The following ARHGEF4 variants were observed in gnomAD, a reference collection of about 807,000 sequenced individuals.
The protein encoded by ARHGEF4 is APC-stimulated guanine nucleotide exchange factor 1.
In ARHGEF4, 119 loss-of-function variants were observed where a neutral mutation model predicts 162.0. The ratio of observed to expected loss-of-function variants is 0.73; its 90% CI spans 0.63 to 0.86. ARHGEF4 has a LOEUF of 0.86. Ranked by LOEUF, ARHGEF4 falls within the 40% of genes least tolerant of loss-of-function variation. ARHGEF4 has a pLI of 0.00. For synonymous variants in ARHGEF4, 1,014 were observed against 979.9 expected (o/e 1.03, Z -0.65); for missense variants, 2,488 against 2,456.0 (o/e 1.01, Z -0.28).
intron 1 of ARHGEF4, among the ~76,000 whole-genome samples, chr2:130,846,970 CAT>C (rs1454997022): frequency 1.3e-5 from 2 of 152,324 alleles, no homozygotes; most frequent in South Asian, 4.1e-4. Flanking sequence ...TATCCACAGA[CAT>C]GTGCCAAGCC....
chr2:130,896,136 A>C (rs892561408), intron 1 of ARHGEF4, among the ~76,000 whole-genome samples: 19 of 152,152 alleles, frequency 1.2e-4, no homozygotes, highest in Non-Finnish European at 1.9e-4. Context: ...TTTCCATTAA[A>C]TTGCCAGGTC....
chr2:130,991,695 G>A (rs892875154), intron 4 of ARHGEF4, among the ~76,000 whole-genome samples: 2 of 152,216 alleles, frequency 1.3e-5, no homozygotes, highest in East Asian at 1.9e-4. Context: ...GGCAGGCCTC[G>A]GGACTGCAGC....
intron 1 of ARHGEF4, among the ~76,000 whole-genome samples, chr2:130,849,591 C>T (rs112207194): frequency 0.015 from 2,220 of 149,416 alleles, 60 homozygotes; most frequent in African/African-American, 0.05. Context: ...TTTTCTGAGA[C>T]GGAGTCTTGC....
In ARHGEF4 at chr2:130,898,909, G is replaced by A. The variant is rs527253421; in HGVS notation, c.40-15077G>A. Reference sequence around the variant, plus strand: ...GCACCAGGGGTTCAGTTTGATAGGGGGCCCCAGGAAGATCCCCAGCCCACT... The same window carrying A: ...GCACCAGGGGTTCAGTTTGATAGGGAGCCCCAGGAAGATCCCCAGCCCACT... On this transcript the variant is annotated intron_variant, in intron 1 of 13. Transcript: ENST00000409359. Among the ~76,000 whole-genome samples, 4 of 152,152 alleles carry A rather than the reference G, an allele frequency of 2.6e-5. No individual in the cohort carries two copies. The South Asian group carries it at 6.2e-4, about 24-fold the overall frequency.
intron 10 of ARHGEF4, among the ~76,000 whole-genome samples, chr2:131,042,578 G>A (rs1186495968): frequency 6.6e-6 from 1 of 152,112 alleles, no homozygotes; most frequent in Non-Finnish European, 1.5e-5. Flanking sequence ...AAATCAATCA[G>A]TATCAGCCAC....
chr2:130,982,028 C>T (rs1686152876), intron 4 of ARHGEF4, among the ~76,000 whole-genome samples: 1 of 152,052 alleles, frequency 6.6e-6, no homozygotes, highest in Admixed American at 6.6e-5. Flanking sequence ...AGATGGAGTC[C>T]TACTCTGTCA....
intron 3 of ARHGEF4, among the ~76,000 whole-genome samples, chr2:130,936,614 C>T (rs957198677): frequency 6.6e-6 from 1 of 152,038 alleles, no homozygotes; most frequent in African/African-American, 2.4e-5. Context: ...TGCCTCTGGC[C>T]TCCTTGGTTT....
chr2:130,998,836 T>G (rs1326545734), intron 4 of ARHGEF4, among the ~76,000 whole-genome samples: 1 of 152,052 alleles, frequency 6.6e-6, no homozygotes, highest in Admixed American at 6.5e-5. Flanking sequence ...TACCAAGGAG[T>G]GTGATTGCTG....
At chr2:130,979,610 C>A (rs1409140464) in intron 4 of ARHGEF4, among the ~76,000 whole-genome samples, 3 of 151,824 alleles carry the variant, frequency 2.0e-5, no homozygotes, top group Non-Finnish European at 4.4e-5. Flanking sequence ...GTAGCGGGAG[C>A]CTGTAATCCC....
chr2:130,865,035 G>T (rs1258487981), intron 1 of ARHGEF4, among the ~76,000 whole-genome samples: 1 of 152,228 alleles, frequency 6.6e-6, no homozygotes, highest in Non-Finnish European at 1.5e-5. Context: ...ATAAGGTGAT[G>T]CAAGTGAGAG....
chr2:130,907,548 A>G (rs2105033344), intron 1 of ARHGEF4, among the ~76,000 whole-genome samples: 1 of 152,084 alleles, frequency 6.6e-6, no homozygotes, highest in East Asian at 1.9e-4. Flanking sequence ...GAGTTGTATT[A>G]TTGTATGGAT....
intron 3 of ARHGEF4, 128 bp from the exon 4 acceptor site, chr2:130,946,381 T>G (rs1209124730): frequency 1.1e-5 from 13 of 1,151,540 alleles, no homozygotes; most frequent in Non-Finnish European, 1.3e-5. Context: ...CCTGGAGCTG[T>G]GCATATTTTG....
chr2:130,950,893 T>C (rs1263950173), intron 4 of ARHGEF4, among the ~76,000 whole-genome samples: 2 of 152,208 alleles, frequency 1.3e-5, no homozygotes, highest in African/African-American at 4.8e-5. Flanking sequence ...TTCCATTGTA[T>C]GGATACACCA....
At chr2:131,004,641 G>C (rs918008597) in intron 4 of ARHGEF4, among the ~76,000 whole-genome samples, 2 of 151,986 alleles carry the variant, frequency 1.3e-5, no homozygotes, top group African/African-American at 4.8e-5. Context: ...ACCCGGCCGT[G>C]AGCGCCTGCC....
intron 3 of ARHGEF4, among the ~76,000 whole-genome samples, chr2:130,942,397 C>T (rs1683366153): frequency 6.6e-6 from 1 of 152,220 alleles, no homozygotes; most frequent in African/African-American, 2.4e-5. Flanking sequence ...GATCCACCCA[C>T]CTCAGCCTCC....
chr2:130,964,781 G>A (rs1684898195), intron 4 of ARHGEF4, among the ~76,000 whole-genome samples: 4 of 152,198 alleles, frequency 2.6e-5, no homozygotes, highest in Non-Finnish European at 5.9e-5. Flanking sequence ...GGACCCCTCT[G>A]AACAAGACTG....
chr2:131,040,792 G>A (rs1690749157), intron 8 of ARHGEF4, among the ~76,000 whole-genome samples: 1 of 152,180 alleles, frequency 6.6e-6, no homozygotes, highest in Non-Finnish European at 1.5e-5. Flanking sequence ...GCCTGCTTAG[G>A]CGGCAGATGC....
At chr2:130,913,517 G>T (rs7578114) in intron 1 of ARHGEF4, among the ~76,000 whole-genome samples, 14,884 of 151,692 alleles carry the variant, frequency 0.098, 2,276 homozygotes, top group African/African-American at 0.33. Flanking sequence ...GTGTTTTTTT[G>T]TTGTTGTTGT....
chr2:130,938,648 G>A (rs1683104940), intron 3 of ARHGEF4, among the ~76,000 whole-genome samples: 1 of 152,016 alleles, frequency 6.6e-6, no homozygotes, highest in Non-Finnish European at 1.5e-5. Context: ...TTAGTCCTTT[G>A]TTGAATTTGT....
Sources: gnomAD v4.1 joint callset for allele counts (sites outside exome capture counted in the v4.1 genomes callset) on GRCh38, gnomAD v4.1.1 for gene constraint, MANE v1.5 for transcripts, NCBI Gene and HGNC (gene_info 2026-07-23, HGNC 2026-07-21) for gene names.